CFAP299: variants seen among roughly 807,000 people sequenced by gnomAD.
CFAP299 encodes cilia and flagella associated protein 299.
In CFAP299, 21 loss-of-function variants were observed where a neutral mutation model predicts 27.0. The ratio of observed to expected loss-of-function variants is 0.78; its 90% CI spans 0.55 to 1.12. The LOEUF (loss-of-function observed/expected upper bound fraction) is 1.12. Ranked by LOEUF, CFAP299 falls within the 50% of genes most tolerant of loss-of-function variation. The probability of loss-of-function intolerance (pLI) is 0.00; values close to 1 mark genes in which losing one functional copy is unlikely to be tolerated. For synonymous variants in CFAP299, 104 were observed against 98.1 expected (o/e 1.06, Z -0.36); for missense variants, 310 against 276.6 (o/e 1.12, Z -0.86).
intron 2 of CFAP299, among the ~76,000 whole-genome samples, chr4:80,453,959 G>T (rs1729024757): frequency 6.6e-6 from 1 of 151,640 alleles, no homozygotes; most frequent in African/African-American, 2.4e-5. Context: ...TTGCTTTAAA[G>T]GTCTGAGAAA....
chr4:80,580,922 T>TA (rs1273387139), intron 2 of CFAP299, among the ~76,000 whole-genome samples: 2 of 151,962 alleles, frequency 1.3e-5, no homozygotes, highest in Admixed American at 6.6e-5. Context: ...ATGGTTCAGA[T>TA]AGAAGATGTT....
rs546757111 is a variant in CFAP299, at chr4:80,937,377, T to TGTGATCA, written c.477-7432_477-7426dup. 2.8e-3 allele frequency among the ~76,000 whole-genome samples: 411 copies of TGTGATCA among 144,964 alleles called. 2 individuals are homozygous for TGTGATCA. The highest frequency in any genetic ancestry group is 0.01 in the African/African-American group (390 of 38,248). ...TGTTTCCCAAGCTGGAGTACAGTTG[T>TGTGATCA]GTGATCACACCTCACTCTAGCATCA... On this transcript the variant is annotated intron_variant, in intron 4 of 5. Coordinates refer to ENST00000358105, the MANE Select transcript of CFAP299 (RefSeq NM_152770.3).
At chr4:80,924,716 A>G (rs1168503618) in intron 4 of CFAP299, among the ~76,000 whole-genome samples, 1 of 151,378 alleles carries the variant, frequency 6.6e-6, no homozygotes, top group Non-Finnish European at 1.5e-5. Flanking sequence ...CAAGCTATAG[A>G]TGAGAATGCT....
intron 5 of CFAP299, among the ~76,000 whole-genome samples, chr4:80,953,866 T>C (rs1737912843): frequency 6.6e-6 from 1 of 152,186 alleles, no homozygotes; most frequent in Admixed American, 6.5e-5. Context: ...GAAAGGTACA[T>C]ATCCCAATAA....
chr4:80,738,335 G>A (rs1724037301), intron 3 of CFAP299, among the ~76,000 whole-genome samples: 1 of 152,112 alleles, frequency 6.6e-6, no homozygotes, highest in Admixed American at 6.5e-5. Flanking sequence ...GGGTGTTGAA[G>A]TCTTCAGATA....
At chr4:80,541,392 A>G (rs1733988173) in intron 2 of CFAP299, among the ~76,000 whole-genome samples, 1 of 152,316 alleles carries the variant, frequency 6.6e-6, no homozygotes, top group South Asian at 2.1e-4. Context: ...AAAGTTTTAA[A>G]TGTGTTAAAG....
intron 2 of CFAP299, among the ~76,000 whole-genome samples, chr4:80,563,897 A>G (rs1040974623): frequency 9.9e-5 from 15 of 152,208 alleles, no homozygotes; most frequent in African/African-American, 3.4e-4. Context: ...TCAAAAGATC[A>G]TTAGTGGCTA....
intron 1 of CFAP299, among the ~76,000 whole-genome samples, chr4:80,361,547 A>C (rs1465652320): frequency 6.6e-6 from 1 of 152,222 alleles, no homozygotes; most frequent in East Asian, 1.9e-4. Context: ...ACACTAAAGG[A>C]TACTGGAATA....
At position 80,381,701 on chromosome 4, in the gene CFAP299, C is replaced by T. The variant is rs1364205673; in HGVS notation, c.242+18817C>T. 2.1e-3 allele frequency among the ~76,000 whole-genome samples: 3 copies of T among 1,440 alleles called. 1 individual carries two copies. The highest frequency in any genetic ancestry group is 2.1e-3 in the African/African-American group (3 of 1,414). 0.9% of individuals were successfully genotyped at this position (1,440 alleles called of 152,430 possible). ...TGCTGGGATTACAGGCGTGAGCCACCGCGCCCGGCCCATATACATTTTTAA... is the reference window on the plus strand; with the variant it reads ...TGCTGGGATTACAGGCGTGAGCCACTGCGCCCGGCCCATATACATTTTTAA... On this transcript the variant is annotated intron_variant, in intron 2 of 5. Transcript: ENST00000358105.
chr4:80,682,534 C>T (rs1719907314), intron 3 of CFAP299, among the ~76,000 whole-genome samples: 1 of 151,792 alleles, frequency 6.6e-6, no homozygotes, highest in Admixed American at 6.6e-5. Context: ...TTTCCAGCCC[C>T]TACTAAATGC....
At chr4:80,578,208 C>T (rs1735969371) in intron 2 of CFAP299, among the ~76,000 whole-genome samples, 2 of 152,126 alleles carry the variant, frequency 1.3e-5, no homozygotes, top group African/African-American at 4.8e-5. Flanking sequence ...GAAGTAACTG[C>T]TTTTGTAATA....
intron 3 of CFAP299, among the ~76,000 whole-genome samples, chr4:80,780,918 A>C (rs1726839568): frequency 6.6e-6 from 1 of 151,878 alleles, no homozygotes; most frequent in South Asian, 2.1e-4. Context: ...AAAACTCATG[A>C]ATGTTTATGC....
chr4:80,753,546 A>C (rs1210100248), intron 3 of CFAP299, among the ~76,000 whole-genome samples: 1 of 152,024 alleles, frequency 6.6e-6, no homozygotes, highest in Non-Finnish European at 1.5e-5. Context: ...AATTTTGGAA[A>C]ATTCTCAGCC....
At chr4:80,627,306 A>T (rs762488624) in intron 3 of CFAP299, among the ~76,000 whole-genome samples, 18 of 151,980 alleles carry the variant, frequency 1.2e-4, no homozygotes, top group Admixed American at 2.0e-4. Context: ...TTTCATGATT[A>T]AAAAACTCTA....
chr4:80,606,644 A>G (rs1238384366), intron 3 of CFAP299, among the ~76,000 whole-genome samples: 1 of 152,178 alleles, frequency 6.6e-6, no homozygotes, highest in Non-Finnish European at 1.5e-5. Flanking sequence ...CCATATTAGA[A>G]ATAATGGTAT....
chr4:80,651,791 C>T (rs1055561108), intron 3 of CFAP299, among the ~76,000 whole-genome samples: 1 of 150,726 alleles, frequency 6.6e-6, no homozygotes, highest in African/African-American at 2.4e-5. Context: ...GACAAAATCA[C>T]ACAGGTAAAC....
chr4:80,418,488 T>C (rs1414658758), intron 2 of CFAP299, among the ~76,000 whole-genome samples: 1 of 152,230 alleles, frequency 6.6e-6, no homozygotes, highest in Non-Finnish European at 1.5e-5. Context: ...AACATTTGTG[T>C]GATGAGAACG....
intron 3 of CFAP299, among the ~76,000 whole-genome samples, chr4:80,686,814 A>T (rs144212809): frequency 2.6e-4 from 40 of 152,336 alleles, no homozygotes; most frequent in East Asian, 1.7e-3. Context: ...ACTACAGCAC[A>T]GTGATTTGGT....
chr4:80,459,228 A>G (rs1234321992), intron 2 of CFAP299, among the ~76,000 whole-genome samples: 1 of 152,096 alleles, frequency 6.6e-6, no homozygotes, highest in African/African-American at 2.4e-5. Context: ...GGCCTCTAGC[A>G]GTCCTCCCAC....
Sources: gnomAD v4.1 joint callset for allele counts (sites outside exome capture counted in the v4.1 genomes callset) on GRCh38, gnomAD v4.1.1 for gene constraint, MANE v1.5 for transcripts, NCBI Gene and HGNC (gene_info 2026-07-23, HGNC 2026-07-21) for gene names.